Variants in GPC6 observed in about 807,000 individuals in gnomAD.
GPC6 encodes glypican 6.
In GPC6, 14 loss-of-function variants were observed where a neutral mutation model predicts 55.2. The ratio of observed to expected loss-of-function variants is 0.25; its 90% confidence interval spans 0.17 to 0.40. The LOEUF is 0.40. Ranked by LOEUF, GPC6 falls within the 10% of genes least tolerant of loss-of-function variation. The pLI, the probability that GPC6 is intolerant of heterozygous loss-of-function variation, is 1.00. For synonymous variants in GPC6, 278 were observed against 259.6 expected (o/e 1.07, Z -0.68); for missense variants, 641 against 708.5 (o/e 0.90, Z 1.08).
At chr13:93,621,146 A>G (rs901411079) in intron 2 of GPC6, among the ~76,000 whole-genome samples, 1 of 151,968 alleles carries the variant, frequency 6.6e-6, no homozygotes, top group African/African-American at 2.4e-5. Context: ...TTGGTGCTCT[A>G]CTCTCTATAA....
chr13:94,377,028 A>G (rs1879897997), intron 6 of GPC6, among the ~76,000 whole-genome samples: 1 of 151,834 alleles, frequency 6.6e-6, no homozygotes, highest in African/African-American at 2.4e-5. Flanking sequence ...TCCCTTCCTT[A>G]CACATTATAC....
At chr13:93,248,908 G>A (rs1188656853) in intron 1 of GPC6, among the ~76,000 whole-genome samples, 1 of 152,172 alleles carries the variant, frequency 6.6e-6, no homozygotes, top group African/African-American at 2.4e-5. Flanking sequence ...CATAGCATTC[G>A]AGGCCTGTTA....
intron 2 of GPC6, among the ~76,000 whole-genome samples, chr13:93,815,171 A>G (rs1381472546): frequency 2.0e-5 from 3 of 152,208 alleles, no homozygotes; most frequent in Admixed American, 6.5e-5. Flanking sequence ...ATCAGAGGAA[A>G]AAAATAAGAA....
chr13:94,372,664 A>C lies in GPC6; in HGVS notation c.1153-9750A>C, dbSNP rs749239194. The stretch of plus-strand genomic sequence containing the variant: ...GGGCGCCCGCCATTGCCCAGGCTTG[A>C]TTAGGTAAACAAAGCAGCCTGGAAG... On this transcript the variant is annotated intron_variant, in intron 6 of 8. Coordinates refer to ENST00000377047, the MANE Select transcript of GPC6 (RefSeq NM_005708.5). Among the ~76,000 whole-genome samples the C allele has an allele frequency of 7.2e-3, 1,089 of 151,936 alleles. 15 individuals are homozygous for C. Among genetic ancestry groups the C allele is most frequent in the Admixed American group, 0.031 (477 of 15,276 alleles).
chr13:94,272,463 CT>C (rs555664508), intron 4 of GPC6, among the ~76,000 whole-genome samples: 1,277 of 85,764 alleles, frequency 0.015, 1 homozygote, highest in African/African-American at 0.035. Flanking sequence ...CTTTTCTTTT[CT>C]TTTTTTTTTT....
chr13:93,787,465 T>C (rs1466966038), intron 2 of GPC6, among the ~76,000 whole-genome samples: 1 of 152,234 alleles, frequency 6.6e-6, no homozygotes, highest in Non-Finnish European at 1.5e-5. Context: ...CATAGTTTGC[T>C]ATCCCCTGTT....
At chr13:93,329,256 T>C (rs1437144168) in intron 1 of GPC6, among the ~76,000 whole-genome samples, 1 of 152,154 alleles carries the variant, frequency 6.6e-6, no homozygotes, top group Non-Finnish European at 1.5e-5. Flanking sequence ...TTTCTTTCCC[T>C]TCTGATTCTG....
intron 4 of GPC6, among the ~76,000 whole-genome samples, chr13:94,167,014 A>G (rs918535471): frequency 3.3e-5 from 5 of 152,228 alleles, no homozygotes; most frequent in African/African-American, 1.2e-4. Context: ...GGAAGTTGCT[A>G]TCTACTTCTT....
chr13:93,789,375 G>C lies in GPC6; in HGVS notation c.320-40779G>C, dbSNP rs117879373. Among the ~76,000 whole-genome samples the C allele has an allele frequency of 7.6e-3, 1,141 of 150,874 alleles. 7 individuals are homozygous for C. The highest frequency in any genetic ancestry group is 9.5e-3 in the Non-Finnish European group (644 of 67,780). On this transcript the variant is annotated intron_variant, in intron 2 of 8. Transcript: ENST00000377047. ...GTTAAGGTAGTAAAAGAATAATGAT[G>C]TGGCTCCTACTCTCCAGGAAGGTCA...
chr13:93,694,040 G>T (rs754198373), intron 2 of GPC6, among the ~76,000 whole-genome samples: 1 of 152,152 alleles, frequency 6.6e-6, no homozygotes, highest in Non-Finnish European at 1.5e-5. Context: ...ATCCATAAAT[G>T]TTTCAGCATG....
chr13:93,496,188 T>C (rs1204584327), intron 1 of GPC6, among the ~76,000 whole-genome samples: 2 of 152,010 alleles, frequency 1.3e-5, no homozygotes, highest in Non-Finnish European at 2.9e-5. Flanking sequence ...TCCGTGGGCG[T>C]AGGACCCTCC....
At chr13:94,365,886 T>C (rs924816244) in intron 6 of GPC6, among the ~76,000 whole-genome samples, 1 of 152,242 alleles carries the variant, frequency 6.6e-6, no homozygotes, top group Non-Finnish European at 1.5e-5. Flanking sequence ...ATTTCTCAGC[T>C]TCGGTGTGGA....
chr13:94,042,962 T>C (rs1883593584), intron 4 of GPC6, among the ~76,000 whole-genome samples: 1 of 151,922 alleles, frequency 6.6e-6, no homozygotes, highest in Non-Finnish European at 1.5e-5. Context: ...TCATGGTCAT[T>C]CGTTATATTC....
At chr13:93,785,466 T>C (rs1389582626) in intron 2 of GPC6, among the ~76,000 whole-genome samples, 1 of 152,150 alleles carries the variant, frequency 6.6e-6, no homozygotes, top group Non-Finnish European at 1.5e-5. Context: ...ATGGTTGATA[T>C]TTTAAGTAAA....
At position 93,944,170 on chromosome 13, in the gene GPC6, TTTTATTTATTTATTTA is replaced by T. The variant is rs140286554; in HGVS notation, c.712-83527_712-83512del. 6.3e-3 allele frequency among the ~76,000 whole-genome samples: 913 copies of T among 144,982 alleles called. 12 individuals carry two copies. The highest frequency in any genetic ancestry group is 0.021 in the African/African-American group (834 of 39,622). ...AACAAATTCCAGTTTCTTCCTTTTATTTTATTTATTTATTTATTTATTTATTTATTTATTTATTTAT... is the reference window on the plus strand; with the variant it reads ...AACAAATTCCAGTTTCTTCCTTTTATTTTATTTATTTATTTATTTATTTAT... On this transcript the variant is annotated intron_variant, in intron 3 of 8. Transcript: ENST00000377047.
chr13:93,387,369 C>G (rs1234747252), intron 1 of GPC6, among the ~76,000 whole-genome samples: 4 of 152,078 alleles, frequency 2.6e-5, no homozygotes, highest in Non-Finnish European at 5.9e-5. Flanking sequence ...GCTCCTCTCT[C>G]TGTGTTCCAT....
chr13:94,158,500 T>C (rs1888037733), intron 4 of GPC6, among the ~76,000 whole-genome samples: 4 of 152,008 alleles, frequency 2.6e-5, no homozygotes, highest in Admixed American at 6.6e-5. Context: ...TAGAAAAACA[T>C]TCCCAAGGAT....
chr13:94,253,369 C>G (rs1346287625), intron 4 of GPC6, among the ~76,000 whole-genome samples: 1 of 152,086 alleles, frequency 6.6e-6, no homozygotes, highest in African/African-American at 2.4e-5. Context: ...CCTAGATAGT[C>G]AAAGGCAATA....
intron 1 of GPC6, among the ~76,000 whole-genome samples, chr13:93,364,561 A>G (rs988601252): frequency 6.6e-6 from 1 of 151,960 alleles, no homozygotes; most frequent in Middle Eastern, 3.4e-3. Flanking sequence ...ATAAGCAGTG[A>G]TGGGATAGTA....
Sources: allele counts gnomAD v4.1 joint callset (sites outside exome capture counted in the v4.1 genomes callset), GRCh38; gene constraint gnomAD v4.1.1; transcripts MANE v1.5; gene names NCBI Gene and HGNC (gene_info 2026-07-23, HGNC 2026-07-21).